SHANK1: variants seen among roughly 807,000 people sequenced by gnomAD.
SHANK1 encodes the protein SH3 and multiple ankyrin repeat domains protein 1.
Under a neutral mutation model 165.6 loss-of-function variants are expected in SHANK1, and 35 were observed. The observed-to-expected ratio is 0.21, with a 90% CI of 0.16 to 0.28. The LOEUF is 0.28. Among genes scored for constraint, SHANK1 ranks in the 10% least tolerant of loss-of-function variants. The probability of loss-of-function intolerance (pLI) is 1.00; values close to 1 mark genes in which losing one functional copy is unlikely to be tolerated. For synonymous variants in SHANK1, 1,428 were observed against 1,384.8 expected, an observed-to-expected ratio of 1.03 and a Z score of -0.69; for missense variants, 2,681 against 3,036.4, an observed-to-expected ratio of 0.88 and a Z score of 2.75.
At chr19:50,669,636 C>A (rs961920869) in intron 22 of SHANK1, among the ~76,000 whole-genome samples, 7 of 152,106 alleles carry the variant, frequency 4.6e-5, no homozygotes, top group African/African-American at 1.7e-4. Flanking sequence ...AAGGGATAGT[C>A]CCCTCGTGTT....
chr19:50,683,224 C>T (rs1986229963), intron 21 of SHANK1, among the ~76,000 whole-genome samples: 1 of 152,196 alleles, frequency 6.6e-6, no homozygotes, highest in Non-Finnish European at 1.5e-5. Flanking sequence ...GTATTTGCTG[C>T]TGGCATCCGG....
chr19:50,692,224 C>A (rs1192316770), intron 15 of SHANK1, among the ~76,000 whole-genome samples: 1 of 151,996 alleles, frequency 6.6e-6, no homozygotes, highest in Non-Finnish European at 1.5e-5. Context: ...GGCAGTAACA[C>A]CATGACAATG....
rs1159406232 is a variant in SHANK1, at chr19:50,660,411, G to C, written c.*1554C>G. ...GGGAGAGGCTCGAGTGTGGAAGCAT[G>C]GTGAGCAGGAAGCCAGTGTGCATAG... On this transcript the variant is annotated 3_prime_UTR_variant, in exon 24 of 24. Transcript: ENST00000293441. 2.0e-5 allele frequency among the ~76,000 whole-genome samples: 3 copies of C among 152,044 alleles called. No homozygotes were observed. Among genetic ancestry groups the C allele is most frequent in the Admixed American group, 6.5e-5 (1 of 15,270 alleles).
intron 8 of SHANK1, 107 bp from the exon 9 acceptor site, chr19:50,704,621 C>T (rs2088916112): frequency 8.0e-6 from 8 of 1,004,828 alleles, no homozygotes; most frequent in Non-Finnish European, 1.2e-5. Context: ...AAATACTCCA[C>T]CCTAAACCCG....
chr19:50,687,585 TCTC>T lies in SHANK1; in HGVS notation c.2383_2385del (p.Glu795del). The T allele has an allele frequency of 1.3e-6, 2 of 1,547,282 alleles. No individual in the cohort carries two copies. Among genetic ancestry groups the T allele is most frequent in the Non-Finnish European group, 1.7e-6 (2 of 1,145,188 alleles). On this transcript the variant is annotated inframe_deletion, in exon 19 of 24. Coordinates refer to ENST00000293441, the MANE Select transcript of SHANK1 (RefSeq NM_016148.5). ...CTCAGCAGCCCCGCAGGCTCACCCA[TCTC>T]CTCCAGCTCTGAGGTCATAGATTTG...
chr19:50,674,484 C>T (rs1985912272), intron 21 of SHANK1, among the ~76,000 whole-genome samples: 1 of 152,204 alleles, frequency 6.6e-6, no homozygotes, highest in Non-Finnish European at 1.5e-5. Flanking sequence ...ATTCCCAGTT[C>T]CCTCGCTTCT....
In SHANK1 at chr19:50,687,903, G is replaced by C; in HGVS notation, c.2308+20C>G. The C allele has an allele frequency of 1.2e-6, 2 of 1,613,628 alleles. No homozygotes were observed. Among genetic ancestry groups the C allele is most frequent in the Non-Finnish European group, 8.5e-7 (1 of 1,179,868 alleles). ...AGCCTGGTGGCAGTGGGGTGGCTGCGAGAGTGGCCGCAGGAGCACCTTTCT... is the reference window on the plus strand; with the variant it reads ...AGCCTGGTGGCAGTGGGGTGGCTGCCAGAGTGGCCGCAGGAGCACCTTTCT... On this transcript the variant is annotated intron_variant, in intron 18 of 23. Coordinates refer to ENST00000293441, the MANE Select transcript of SHANK1 (RefSeq NM_016148.5).
Position 50,718,747 on chromosome 19 carries a change from G to A in SHANK1, c.-44+659C>T, listed in dbSNP as rs1266444514. 2.7e-5 allele frequency among the ~76,000 whole-genome samples: 4 copies of A among 149,102 alleles called. No individual in the cohort carries two copies. The highest frequency in any genetic ancestry group is 6.6e-5 in the Admixed American group (1 of 15,068). On this transcript the variant is annotated intron_variant, in intron 1 of 23. Coordinates refer to ENST00000293441, the MANE Select transcript of SHANK1 (RefSeq NM_016148.5). This position sits in a 1 kb window ranked among gnomAD's most constrained non-coding sequence, Gnocchi z 5.1. ...ATGGAGGCGGAGGGAGGCGGGGAGG[G>A]GCGGGGAGAGAGAGCCGGAGCCGAG...
At position 50,668,488 on chromosome 19, in the gene SHANK1, T is replaced by G; in HGVS notation, c.3472A>C (p.Ile1158Leu). 7.5e-7 allele frequency: 1 copy of G among 1,338,664 alleles called. No homozygotes were observed. Among genetic ancestry groups the G allele is most frequent in the Non-Finnish European group, 9.6e-7 (1 of 1,044,422 alleles). The allele number at this position is 1,338,664 out of a possible 1,614,324, so 82.9% of individuals were successfully genotyped here. A position where few individuals can be genotyped will look rare whatever the true frequency, so the allele number is the denominator to read the frequency against. The change falls in exon 23 of 24, where the codon ATC becomes CTC. Residue 1158 changes from isoleucine to leucine, a missense_variant. By Grantham distance (5) the Ile-to-Leu change is conservative (BLOSUM62 2). Transcript: ENST00000293441. ...CTGGTGGACGGGGCCTTGATGATGA[T>G]GGTGGGGATGGGGATGGAGTTCTTC... ...SEKNSIPIPTIIIKAPSTSSS... is the reference protein window; with the variant it reads ...SEKNSIPIPTLIIKAPSTSSS...
chr19:50,687,718 C>G (rs780292062), intron 18 of SHANK1, 56 bp from the exon 19 acceptor site: 4 of 1,415,186 alleles, frequency 2.8e-6, no homozygotes, highest in Non-Finnish European at 3.8e-6. Context: ...CCCCACCACC[C>G]TCTACCACCA....
Position 50,668,984 on chromosome 19 carries a change from G to A in SHANK1, c.2976C>T (p.Pro992=), listed in dbSNP as rs1234347752. ...GCGGGTGGTGGTGGGCCGGGGGCAG[G>A]GGCCCACTGTGGTACAGGCTCTTCT... ...SREKSLYHSG[P]LPPAHHHPPH... The change falls in exon 23 of 24, where the codon CCC becomes CCT. Residue 992 remains proline, a synonymous_variant. Coordinates refer to ENST00000293441, the MANE Select transcript of SHANK1 (RefSeq NM_016148.5). 7 of 688,616 alleles carry A rather than the reference G, an allele frequency of 1.0e-5. No individual in the cohort carries two copies. Among genetic ancestry groups the A allele is most frequent in the Non-Finnish European group, 1.4e-5 (6 of 438,474 alleles). 42.7% of individuals were successfully genotyped at this position (688,616 alleles called of 1,614,324 possible).
In SHANK1 at chr19:50,671,930, A is replaced by G. The variant is rs527363779; in HGVS notation, c.2674+88T>C. The G allele has an allele frequency of 8.7e-5, 86 of 992,906 alleles. No homozygotes were observed. The African/African-American group carries it at 1.2e-3, about 14-fold the overall frequency. 61.5% of individuals were successfully genotyped at this position (992,906 alleles called of 1,614,324 possible). ...GAAACTATGGTCTCTCTGGGAGCACAGAACATTTCCAAGTCTGCTTGCTTT... is the reference window on the plus strand; with the variant it reads ...GAAACTATGGTCTCTCTGGGAGCACGGAACATTTCCAAGTCTGCTTGCTTT... On this transcript the variant is annotated intron_variant, in intron 22 of 23. Transcript: ENST00000293441.
intron 15 of SHANK1, among the ~76,000 whole-genome samples, chr19:50,694,018 A>ACC (rs1355714116): frequency 8.6e-6 from 1 of 115,994 alleles, no homozygotes; most frequent in Admixed American, 8.6e-5. Flanking sequence ...TCCAGCACAC[A>ACC]CCACACACAC....
In SHANK1 at chr19:50,716,856, C is replaced by G. The variant is rs746931414; in HGVS notation, c.64G>C (p.Gly22Arg). The G allele has an allele frequency of 6.5e-7, 1 of 1,528,752 alleles. No individual in the cohort carries two copies. The highest frequency in any genetic ancestry group is 1.3e-5 in the South Asian group (1 of 79,440). 94.7% of individuals were successfully genotyped at this position (1,528,752 alleles called of 1,614,324 possible). Residue 22 changes from glycine (G) to arginine (R), a missense_variant, in exon 2 of 24, where the codon GGG becomes CGG. By Grantham distance (125) the Gly-to-Arg change is moderately radical. This residue lies in a region of SHANK1 where 118 missense variants were observed against 106.9 expected (regional missense o/e 1.10). Coordinates refer to ENST00000293441, the MANE Select transcript of SHANK1 (RefSeq NM_016148.5). The surrounding 1 kb of genome is among the most constrained non-coding windows in gnomAD (Gnocchi z 8.4). ...ERHSASECPEGGSESDSSPDG... is the reference protein window; with the variant it reads ...ERHSASECPERGSESDSSPDG... ...GGGGAGCTGTCGGACTCTGAGCCCC[C>G]CTCGGGACACTCGCTGGCACTGTGG...
At chr19:50,699,020 A>C (rs1986825331) in intron 12 of SHANK1, among the ~76,000 whole-genome samples, 1 of 152,142 alleles carries the variant, frequency 6.6e-6, no homozygotes, top group African/African-American at 2.4e-5. Context: ...TGTGGAGAAA[A>C]CCCTTGCCTG....
chr19:50,662,409 C>G lies in SHANK1; in HGVS notation c.6042G>C (p.Ala2014=). 1 of 1,565,458 alleles carries G rather than the reference C, an allele frequency of 6.4e-7. No homozygotes were observed. The highest frequency in any genetic ancestry group is 2.3e-5 in the East Asian group (1 of 44,094). The stretch of plus-strand genomic sequence containing the variant: ...GGATGGGCAGGGACGAGGGCCTGGG[C>G]GCAGGGCTGACCTTGTGCTCCGAGG... ...LPASEHKVSP[A]PRPSSLPILP... Residue 2014 remains alanine, a synonymous_variant, in exon 24 of 24, where the codon GCG becomes GCC. Coordinates refer to ENST00000293441, the MANE Select transcript of SHANK1 (RefSeq NM_016148.5). This position sits in a 1 kb window ranked among gnomAD's most constrained non-coding sequence, Gnocchi z 7.7.
chr19:50,687,289 G>C (rs528151688), intron 19 of SHANK1, among the ~76,000 whole-genome samples: 2 of 152,118 alleles, frequency 1.3e-5, no homozygotes, highest in Non-Finnish European at 1.5e-5. Flanking sequence ...AATGGGGCTG[G>C]GGGGTGAGGT....
chr19:50,700,035 G>A (rs1488055843), intron 12 of SHANK1, among the ~76,000 whole-genome samples: 2 of 91,434 alleles, frequency 2.2e-5, no homozygotes, highest in Admixed American at 9.5e-5. Context: ...TGGAGGATTG[G>A]AGGGCTCGGG....
At chr19:50,680,727 C>T (rs932144842) in intron 21 of SHANK1, among the ~76,000 whole-genome samples, 1 of 151,190 alleles carries the variant, frequency 6.6e-6, no homozygotes. Context: ...GCGATCTTGG[C>T]TCACTGCAAC....
Sources: allele counts gnomAD v4.1 joint callset (sites outside exome capture counted in the v4.1 genomes callset), GRCh38; gene constraint gnomAD v4.1.1; regional missense constraint gnomAD v4.1.1; non-coding constraint Gnocchi (gnomAD v3.1); transcripts MANE v1.5; gene names NCBI Gene and HGNC (gene_info 2026-07-23, HGNC 2026-07-21).